UCK1: variants seen among roughly 807,000 people sequenced by gnomAD.
The protein encoded by UCK1 is cytidine monophosphokinase 1.
In UCK1, 20 loss-of-function variants were observed where a neutral mutation model predicts 34.0. That is an observed-to-expected ratio of 0.59 (90% CI 0.41 to 0.86). The LOEUF (loss-of-function observed/expected upper bound fraction) is 0.86. Among genes scored for constraint, UCK1 ranks in the 40% least tolerant of loss-of-function variants. The pLI, the probability that UCK1 is intolerant of heterozygous loss-of-function variation, is 0.00. For synonymous variants in UCK1, 168 were observed against 155.9 expected (o/e 1.08, Z -0.58); for missense variants, 343 against 383.6 (o/e 0.89, Z 0.88).
chr9:131,525,620 A>T (rs1950571064), intron 6 of UCK1, among the ~76,000 whole-genome samples: 1 of 152,098 alleles, frequency 6.6e-6, no homozygotes. Flanking sequence ...CTGGGACCAG[A>T]GGCACATGCC....
chr9:131,531,018 C>T, intron 1 of UCK1, 49 bp downstream of exon 1: 1 of 1,317,622 alleles, frequency 7.6e-7, no homozygotes, highest in African/African-American at 1.6e-5. Flanking sequence ...GACCGGGCCG[C>T]CCGTAGGCAC....
intron 5 of UCK1, among the ~76,000 whole-genome samples, chr9:131,526,807 C>A (rs983377767): frequency 3.9e-5 from 6 of 152,214 alleles, no homozygotes; most frequent in African/African-American, 1.2e-4. Flanking sequence ...TGGTGGGACC[C>A]CATCTCATGA....
At position 131,531,176 on chromosome 9, in the gene UCK1, T is replaced by C. The variant is rs1588541721; in HGVS notation, c.-2A>G. 1.4e-6 allele frequency: 2 copies of C among 1,407,994 alleles called. No homozygotes were observed. The highest frequency in any genetic ancestry group is 3.2e-5 in the East Asian group (1 of 31,638). The allele number at this position is 1,407,994 out of a possible 1,614,324, so 87.2% of individuals were successfully genotyped here. A position where few individuals can be genotyped will look rare whatever the true frequency, so the allele number is the denominator to read the frequency against. The stretch of plus-strand genomic sequence containing the variant: ...GTCTTCGCCTCCCGCCGAAGCCATC[T>C]CGGCCTCCGCTCCCGCGCATCGGGT... On this transcript the variant is annotated 5_prime_UTR_variant, in exon 1 of 7. Transcript: ENST00000372215.
chr9:131,530,957 T>C, intron 1 of UCK1, 110 bp downstream of exon 1: 1 of 951,076 alleles, frequency 1.1e-6, no homozygotes, highest in Non-Finnish European at 1.4e-6. Flanking sequence ...TCCCGCGCCC[T>C]GCCCCTGCCT....
chr9:131,530,753 G>C (rs1950808592), intron 1 of UCK1, 108 bp from the exon 2 acceptor site: 1 of 1,596,810 alleles, frequency 6.3e-7, no homozygotes, highest in Admixed American at 1.7e-5. Context: ...GGTATGCTCG[G>C]AAGGCGGGAG....
At chr9:131,526,506 G>A in intron 5 of UCK1, 3 of 1,289,548 alleles carry the variant, frequency 2.3e-6, no homozygotes, top group Non-Finnish European at 3.0e-6. Context: ...ATGCTCTGCT[G>A]CTGAGGAAGG....
Position 131,529,647 on chromosome 9 carries a change from C to T in UCK1, c.269-63G>A, listed in dbSNP as rs577954083. The T allele has an allele frequency of 2.7e-6, 4 of 1,471,108 alleles. No individual in the cohort carries two copies. The African/African-American group carries it at 5.5e-5, about 20-fold the overall frequency. The allele number at this position is 1,471,108 out of a possible 1,614,324, so 91.1% of individuals were successfully genotyped here. ...CCTCGTGCAGCGGACAGCAGGGAACCCTCTCTGCTCTGGGGTCAGCACAGC... is the reference window on the plus strand; with the variant it reads ...CCTCGTGCAGCGGACAGCAGGGAACTCTCTCTGCTCTGGGGTCAGCACAGC... On this transcript the variant is annotated intron_variant, in intron 2 of 6. Coordinates refer to ENST00000372215, the MANE Select transcript of UCK1 (RefSeq NM_031432.5).
intron 2 of UCK1, 77 bp downstream of exon 2, chr9:131,530,409 T>G: frequency 6.4e-7 from 1 of 1,573,060 alleles, no homozygotes; most frequent in Non-Finnish European, 8.7e-7. Context: ...CCATCCAACC[T>G]TGGGCCCAAG....
At chr9:131,527,126 C>G (rs1381891969) in intron 5 of UCK1, among the ~76,000 whole-genome samples, 2 of 145,834 alleles carry the variant, frequency 1.4e-5, no homozygotes, top group African/African-American at 2.5e-5. Flanking sequence ...GAGACCAGCC[C>G]AGCCAACATG....
chr9:131,528,882 A>T, intron 5 of UCK1, 62 bp downstream of exon 5: 1 of 1,583,546 alleles, frequency 6.3e-7, no homozygotes, highest in Admixed American at 1.7e-5. Context: ...CTCTCACAGT[A>T]CTGGGTCCCA....
chr9:131,524,054 A>G lies in UCK1; in HGVS notation c.*986T>C, dbSNP rs1950452734. The G allele has an allele frequency of 6.6e-6, 1 of 152,278 alleles. No homozygotes were observed. Among genetic ancestry groups the G allele is most frequent in the Non-Finnish European group, 1.5e-5 (1 of 68,068 alleles). 9.4% of individuals were successfully genotyped at this position (152,278 alleles called of 1,614,324 possible). A position where few individuals can be genotyped will look rare whatever the true frequency, so the allele number is the denominator to read the frequency against. On this transcript the variant is annotated 3_prime_UTR_variant, in exon 7 of 7. Transcript: ENST00000372215. ...AGGCAACCCAGACACGGGTGTTCAC[A>G]TGTGAGGCTGTGAGCTCCACATAGC...
chr9:131,530,734 C>A, intron 1 of UCK1, 89 bp from the exon 2 acceptor site: 5 of 1,611,940 alleles, frequency 3.1e-6, no homozygotes, highest in Middle Eastern at 1.8e-4. Flanking sequence ...ACCCACCCGC[C>A]CCCTGGGGGG....
chr9:131,529,575 T>G lies in UCK1; in HGVS notation c.278A>C (p.Asp93Ala). ...QYNFDHPDAFDNDLMHRTLKN... is the reference protein window; with the variant it reads ...QYNFDHPDAFANDLMHRTLKN... ...CAGAGTCCTGTGCATCAAATCATTATCAAAGGCATCTGCAGGGTTGGAGAC... is the reference window on the plus strand; with the variant it reads ...CAGAGTCCTGTGCATCAAATCATTAGCAAAGGCATCTGCAGGGTTGGAGAC... Residue 93 changes from aspartate to alanine, a missense_variant, in exon 3 of 7, where the codon GAT (aspartate) becomes GCT (alanine). Physicochemically the swap from Asp to Ala is moderately radical, Grantham distance 126. Transcript: ENST00000372215. 6.2e-7 allele frequency: 1 copy of G among 1,614,090 alleles called. No homozygotes were observed.
intron 2 of UCK1, 44 bp from the exon 3 acceptor site, chr9:131,529,628 G>A: frequency 6.3e-7 from 1 of 1,578,800 alleles, no homozygotes. Flanking sequence ...ATGCCCTCGT[G>A]CAGCGGACAG....
Position 131,529,134 on chromosome 9 carries a change from G to C in UCK1, c.502C>G (p.Arg168Gly), listed in dbSNP as rs764840697. Residue 168 changes from arginine (R) to glycine (G), a missense_variant, in exon 4 of 7, where the codon CGA (arginine) becomes GGA (glycine). Coordinates refer to ENST00000372215, the MANE Select transcript of UCK1 (RefSeq NM_031432.5). ...AGGCCCGCGGCCGCCTTACCTCTTCGAGACAGCCTGACGTCGGAGTCGGTG... is the reference window on the plus strand; with the variant it reads ...AGGCCCGCGGCCGCCTTACCTCTTCCAGACAGCCTGACGTCGGAGTCGGTG... ...VDTDSDVRLS[R>G]RVLRDVRRGR... The C allele has an allele frequency of 1.9e-6, 3 of 1,613,676 alleles. No individual in the cohort carries two copies. The highest frequency in any genetic ancestry group is 1.7e-5 in the Admixed American group (1 of 60,012).
chr9:131,528,959 C>T lies in UCK1; in HGVS notation c.588G>A (p.Glu196=), dbSNP rs757211985. The change falls in exon 5 of 7, where the codon GAG becomes GAA. Residue 196 remains glutamate, a synonymous_variant. Coordinates refer to ENST00000372215, the MANE Select transcript of UCK1 (RefSeq NM_031432.5). Reference sequence around the variant, plus strand: ...GCACAGGTACCGGCAGGCAGAACTCCTCGAAGGCCGGCTTCACGAAGGTGG... The same window carrying T: ...GCACAGGTACCGGCAGGCAGAACTCTTCGAAGGCCGGCTTCACGAAGGTGG... ...QYTTFVKPAF[E]EFCLPTKKYA... The T allele has an allele frequency of 1.2e-6, 2 of 1,614,086 alleles. No individual in the cohort carries two copies. Among genetic ancestry groups the T allele is most frequent in the East Asian group, 2.2e-5 (1 of 44,872 alleles).
At chr9:131,526,202 C>T in intron 5 of UCK1, 1 of 666,110 alleles carries the variant, frequency 1.5e-6, no homozygotes, top group Non-Finnish European at 2.5e-6. Flanking sequence ...AAAGAAAGTG[C>T]CTCTTCCAGT....
intron 2 of UCK1, among the ~76,000 whole-genome samples, chr9:131,529,998 T>A (rs1342602284): frequency 6.6e-6 from 1 of 152,212 alleles, no homozygotes; most frequent in Admixed American, 6.5e-5. Context: ...CAGGGTGGAA[T>A]CTTCTAGCAG....
chr9:131,526,245 C>CAGGAGA (rs1950599656), intron 5 of UCK1: 3 of 664,190 alleles, frequency 4.5e-6, no homozygotes, highest in Non-Finnish European at 7.6e-6. Context: ...CAGCCCCCTT[C>CAGGAGA]CAGTGTTCCC....
Sources: gnomAD v4.1 joint callset for allele counts (sites outside exome capture counted in the v4.1 genomes callset) on GRCh38, gnomAD v4.1.1 for gene constraint, MANE v1.5 for transcripts, NCBI Gene and HGNC (gene_info 2026-07-23, HGNC 2026-07-21) for gene names.